RCAN2: variants seen among roughly 807,000 people sequenced by gnomAD.
RCAN2 encodes the protein regulator of calcineurin 2.
A neutral mutation model predicts 23.6 loss-of-function variants in RCAN2; 9 were observed. The ratio of observed to expected loss-of-function variants is 0.38; its 90% confidence interval spans 0.23 to 0.67. The LOEUF is 0.67. Among genes scored for constraint, RCAN2 ranks in the 30% least tolerant of loss-of-function variants. The pLI, the probability that RCAN2 is intolerant of heterozygous loss-of-function variation, is 0.51. For missense variants in RCAN2, 273 were observed against 302.3 expected (o/e 0.90, Z 0.72); for synonymous variants, 109 against 115.7 (o/e 0.94, Z 0.37).
chr6:46,353,457 T>C lies in RCAN2; in HGVS notation c.225+103295A>G, dbSNP rs566164300. On this transcript the variant is annotated intron_variant, in intron 2 of 4. Transcript: ENST00000371374. ...TGACAGATCCTGCACAGACAATCCT[T>C]AGTAAATAAATTCCAAAAGTATCTT... Among the ~76,000 whole-genome samples, 10 of 152,274 alleles carry C rather than the reference T, an allele frequency of 6.6e-5. No individual in the cohort carries two copies. In the South Asian group the frequency reaches 1.9e-3, roughly 28 times the overall value.
intron 2 of RCAN2, among the ~76,000 whole-genome samples, chr6:46,382,623 A>G (rs1000215513): frequency 3.9e-5 from 6 of 152,242 alleles, no homozygotes; most frequent in African/African-American, 1.4e-4. Flanking sequence ...GGTTCTAATA[A>G]TAAAAGCGCT....
intron 2 of RCAN2, among the ~76,000 whole-genome samples, chr6:46,250,385 A>G (rs1014240298): frequency 6.6e-6 from 1 of 152,212 alleles, no homozygotes; most frequent in Non-Finnish European, 1.5e-5. Flanking sequence ...AGGAAATTAT[A>G]TATACAACCA....
chr6:46,457,207 G>T (rs1252675795), intron 1 of RCAN2, among the ~76,000 whole-genome samples: 2 of 152,102 alleles, frequency 1.3e-5, no homozygotes, highest in African/African-American at 4.8e-5. Flanking sequence ...CAGTACTATG[G>T]TTTTTTAAAA....
In RCAN2 at chr6:46,259,624, T is replaced by G. The variant is rs1312457503; in HGVS notation, c.226-10728A>C. 5.3e-5 allele frequency among the ~76,000 whole-genome samples: 8 copies of G among 152,210 alleles called. 1 individual carries two copies. Among genetic ancestry groups the G allele is most frequent in the Non-Finnish European group, 8.8e-5 (6 of 68,038 alleles). On this transcript the variant is annotated intron_variant, in intron 2 of 4. Coordinates refer to ENST00000371374, the MANE Select transcript of RCAN2 (RefSeq NM_001251974.2). ...CAGTTCTCTGTAGACACCCACTGGATGTCTTACGCTTTAACTCAATTCTGA... is the reference window on the plus strand; with the variant it reads ...CAGTTCTCTGTAGACACCCACTGGAGGTCTTACGCTTTAACTCAATTCTGA...
chr6:46,363,127 G>A (rs920414990), intron 2 of RCAN2, among the ~76,000 whole-genome samples: 1 of 152,238 alleles, frequency 6.6e-6, no homozygotes, highest in South Asian at 2.1e-4. Context: ...GAATAAGTAG[G>A]AAACTCAAAC....
intron 2 of RCAN2, among the ~76,000 whole-genome samples, chr6:46,390,017 A>G (rs1186933169): frequency 2.8e-5 from 3 of 106,552 alleles, no homozygotes; most frequent in African/African-American, 6.2e-5. Context: ...ATTATTCGAG[A>G]CCAAAAAAAA....
intron 2 of RCAN2, among the ~76,000 whole-genome samples, chr6:46,252,700 G>C (rs1766774953): frequency 6.6e-6 from 1 of 152,088 alleles, no homozygotes; most frequent in South Asian, 2.1e-4. Context: ...TGAGAAGATT[G>C]ACATTGTTTT....
chr6:46,456,917 A>G lies in RCAN2; in HGVS notation c.60T>C (p.Pro20=). 6.4e-7 allele frequency: 1 copy of G among 1,550,854 alleles called. No individual in the cohort carries two copies. The highest frequency in any genetic ancestry group is 8.7e-7 in the Non-Finnish European group (1 of 1,147,056). ...MRSPGQQGHV[P]EDGGLFLLCC... Reference sequence around the variant, plus strand: ...ACAGTAAGAAAAGTCCTCCATCTTCAGGGACGTGTCCCTGCTGCCCTGGGC... The same window carrying G: ...ACAGTAAGAAAAGTCCTCCATCTTCGGGGACGTGTCCCTGCTGCCCTGGGC... Residue 20 remains proline, a synonymous_variant, in exon 2 of 5, where the codon CCT becomes CCC. Transcript: ENST00000371374.
chr6:46,387,468 A>T (rs1229630615), intron 2 of RCAN2, among the ~76,000 whole-genome samples: 1 of 152,218 alleles, frequency 6.6e-6, no homozygotes, highest in Non-Finnish European at 1.5e-5. Context: ...TTCTCAAAAG[A>T]TGACATTTAT....
intron 2 of RCAN2, among the ~76,000 whole-genome samples, chr6:46,331,939 A>G (rs1763987327): frequency 6.6e-6 from 1 of 152,158 alleles, no homozygotes; most frequent in Non-Finnish European, 1.5e-5. Flanking sequence ...ATCCCACACT[A>G]TAGGCACAAC....
rs142007441 is a variant in RCAN2, at chr6:46,414,137, G to T, written c.225+42615C>A. On this transcript the variant is annotated intron_variant, in intron 2 of 4. Transcript: ENST00000371374. ...TATGCTGGCCAGTGAGGAGACTGAG[G>T]TTCTGTAAATGGGACTTTAAAAATT... Among the ~76,000 whole-genome samples, 4 of 152,188 alleles carry T rather than the reference G, an allele frequency of 2.6e-5. No individual in the cohort carries two copies. In the East Asian group the frequency reaches 7.7e-4, roughly 29 times the overall value.
intron 1 of RCAN2, among the ~76,000 whole-genome samples, chr6:46,485,324 G>A (rs770882342): frequency 2.6e-5 from 4 of 152,124 alleles, no homozygotes; most frequent in South Asian, 2.1e-4. Flanking sequence ...TCAGTGAAAT[G>A]CACAGAATGC....
chr6:46,448,433 C>T (rs974957156), intron 2 of RCAN2, among the ~76,000 whole-genome samples: 1 of 151,774 alleles, frequency 6.6e-6, no homozygotes, highest in African/African-American at 2.4e-5. Context: ...TATTCTCAAA[C>T]TTTTTCCAAA....
At chr6:46,317,588 A>G (rs1436360828) in intron 2 of RCAN2, among the ~76,000 whole-genome samples, 3 of 151,884 alleles carry the variant, frequency 2.0e-5, no homozygotes, top group East Asian at 3.9e-4. Context: ...CATCCTCCCA[A>G]GTAGGTGGGA....
chr6:46,456,942 C>T lies in RCAN2; in HGVS notation c.35G>A (p.Ser12Asn). 1 of 1,550,864 alleles carries T rather than the reference C, an allele frequency of 6.4e-7. No individual in the cohort carries two copies. Among genetic ancestry groups the T allele is most frequent in the Non-Finnish European group, 8.7e-7 (1 of 1,147,014 alleles). Residue 12 changes from serine (S) to asparagine (N), a missense_variant, in exon 2 of 5, where the codon AGC (serine) becomes AAC (asparagine). Physicochemically the swap from Ser to Asn is conservative, Grantham distance 46 (BLOSUM62 1). Transcript: ENST00000371374. ...AGGGACGTGTCCCTGCTGCCCTGGG[C>T]TCCTCATTCCGATGAAGTATGATTC... ...RGESYFIGMR[S>N]PGQQGHVPED...
At chr6:46,437,154 G>T (rs912250581) in intron 2 of RCAN2, among the ~76,000 whole-genome samples, 2 of 152,154 alleles carry the variant, frequency 1.3e-5, no homozygotes, top group Non-Finnish European at 2.9e-5. Flanking sequence ...GATCCTATTT[G>T]GGTGTATGCC....
chr6:46,231,558 C>T (rs149483183), intron 4 of RCAN2, among the ~76,000 whole-genome samples: 30 of 152,024 alleles, frequency 2.0e-4, no homozygotes, highest in South Asian at 1.9e-3. Flanking sequence ...TACAGGTGCA[C>T]GCCACCGTGC....
chr6:46,446,327 T>C (rs1357689780), intron 2 of RCAN2, among the ~76,000 whole-genome samples: 3 of 151,772 alleles, frequency 2.0e-5, no homozygotes, highest in Non-Finnish European at 4.4e-5. Flanking sequence ...GGGGGGAAAC[T>C]GCCAACCAAG....
At chr6:46,488,229 A>G (rs186514940) in intron 1 of RCAN2, among the ~76,000 whole-genome samples, 17 of 152,358 alleles carry the variant, frequency 1.1e-4, no homozygotes, top group African/African-American at 3.8e-4. Flanking sequence ...TTCTAGGTGC[A>G]CGTCTTACAA....
Sources: allele counts gnomAD v4.1 joint callset (sites outside exome capture counted in the v4.1 genomes callset), GRCh38; gene constraint gnomAD v4.1.1; transcripts MANE v1.5; gene names NCBI Gene and HGNC (gene_info 2026-07-23, HGNC 2026-07-21).